The following VPS51 variants were observed in gnomAD, a reference collection of about 807,000 sequenced individuals.
The protein encoded by VPS51 is vacuolar protein sorting-associated protein 51 homolog.
Under a neutral mutation model 65.1 loss-of-function variants are expected in VPS51, and 55 were observed. The ratio of observed to expected loss-of-function variants is 0.84; its 90% confidence interval spans 0.68 to 1.06. The LOEUF (loss-of-function observed/expected upper bound fraction) is 1.06, where lower values mean the gene tolerates loss of function less well. VPS51 is among the 50% of genes least tolerant of loss of function. VPS51 has a pLI of 0.00. For synonymous variants in VPS51, 473 were observed against 489.5 expected (o/e 0.97, Z 0.44); for missense variants, 943 against 1,101.6 (o/e 0.86, Z 2.04).
chr11:65,108,314 G>A lies in VPS51; in HGVS notation c.843G>A (p.Glu281=). The A allele has an allele frequency of 6.2e-7, 1 of 1,609,426 alleles. No individual in the cohort carries two copies. Among genetic ancestry groups the A allele is most frequent in the Non-Finnish European group, 8.5e-7 (1 of 1,178,654 alleles). The change falls in exon 5 of 10, where the codon GAG becomes GAA. Residue 281 remains glutamate (E), a synonymous_variant. Transcript: ENST00000279281. ...TGGCGCACGCCCGCGGCCGGCTGGA[G>A]AAGGAGCTGAGAAACCTGGAGGCCG... The part of the protein sequence containing the change: ...EFLAHARGRL[E]KELRNLEAEL...
rs372618130 is a variant in VPS51, at chr11:65,096,988, A to G, written c.229-10A>G. The G allele has an allele frequency of 3.1e-6, 5 of 1,612,866 alleles. No individual in the cohort carries two copies. The highest frequency in any genetic ancestry group is 4.2e-6 in the Non-Finnish European group (5 of 1,179,980). ...TCCTGACCCGAACACTAACCACCCAACTTCTTCAGCTGCGTAGAGAGTGCC... is the reference window on the plus strand; with the variant it reads ...TCCTGACCCGAACACTAACCACCCAGCTTCTTCAGCTGCGTAGAGAGTGCC... On this transcript the variant is annotated splice_polypyrimidine_tract_variant and intron_variant, in intron 1 of 9. Transcript: ENST00000279281.
chr11:65,108,301 G>A lies in VPS51; in HGVS notation c.830G>A (p.Arg277His), dbSNP rs932505081. ...TGCGAGGAGTTCCTGGCGCACGCCCGCGGCCGGCTGGAGAAGGAGCTGAGA... is the reference window on the plus strand; with the variant it reads ...TGCGAGGAGTTCCTGGCGCACGCCCACGGCCGGCTGGAGAAGGAGCTGAGA... The part of the protein sequence containing the change: ...ELCEEFLAHA[R>H]GRLEKELRNL... Residue 277 changes from arginine (R) to histidine (H), a missense_variant, in exon 5 of 10, where the codon CGC becomes CAC. This residue lies in a region of VPS51 where 855 missense variants were observed against 953.7 expected (regional missense o/e 0.90). Transcript: ENST00000279281. 2.5e-6 allele frequency: 4 copies of A among 1,605,660 alleles called. No individual in the cohort carries two copies. The highest frequency in any genetic ancestry group is 1.3e-5 in the African/African-American group (1 of 74,844).
intron 2 of VPS51, among the ~76,000 whole-genome samples, chr11:65,098,370 A>C (rs1947785034): frequency 6.6e-6 from 1 of 152,236 alleles, no homozygotes; most frequent in South Asian, 2.1e-4. Flanking sequence ...TAGGGGACAC[A>C]AAGATCATGT....
rs186782222 is a variant in VPS51 at position 65,097,948 on chromosome 11, G to A, written c.358+821G>A. On this transcript the variant is annotated intron_variant, in intron 2 of 9. Coordinates refer to ENST00000279281, the MANE Select transcript of VPS51 (RefSeq NM_013265.4). ...TGTAATCCCAGCACTTTGGGAGGCC[G>A]AGGCAGGTGGATCACCTGAGGTCAG... is the stretch of plus-strand genomic sequence containing the variant. Among the ~76,000 whole-genome samples, 904 of 152,258 alleles carry A rather than the reference G, an allele frequency of 5.9e-3. 9 individuals carry two copies. The highest frequency in any genetic ancestry group is 0.021 in the African/African-American group (865 of 41,538).
chr11:65,109,064 G>T, intron 5 of VPS51, 150 bp downstream of exon 5: 1 of 1,097,496 alleles, frequency 9.1e-7, no homozygotes, highest in Middle Eastern at 2.6e-4. Context: ...AAGGCTCAGG[G>T]CATCTGCAGC....
Position 65,107,214 on chromosome 11 carries a change from T to A in VPS51, c.359-367T>A, listed in dbSNP as rs1947848033. On this transcript the variant is annotated intron_variant, in intron 2 of 9. Transcript: ENST00000279281. This position sits in a 1 kb window ranked among gnomAD's most constrained non-coding sequence, Gnocchi z 4.0. ...AGTGCGCTGGACACGCAGATGCGCT[T>A]GGGAGCCAGCGGTCCCTGCCTTGGC... 1 of 492,324 alleles carries A rather than the reference T, an allele frequency of 2.0e-6. No homozygotes were observed. The highest frequency in any genetic ancestry group is 4.0e-6 in the Non-Finnish European group (1 of 251,558). The allele number at this position is 492,324 out of a possible 1,614,324, so 30.5% of individuals were successfully genotyped here.
chr11:65,096,576 A>C, intron 1 of VPS51, 98 bp downstream of exon 1: 1 of 1,098,236 alleles, frequency 9.1e-7, no homozygotes, highest in Non-Finnish European at 1.3e-6. Flanking sequence ...ACTTTTTGTG[A>C]GGTTCAGGAG....
chr11:65,101,562 A>G (rs1590810438), intron 2 of VPS51, among the ~76,000 whole-genome samples: 1 of 151,904 alleles, frequency 6.6e-6, no homozygotes, highest in East Asian at 1.9e-4. Context: ...TGAGCTCAGG[A>G]GTTCGAGACC....
intron 2 of VPS51, among the ~76,000 whole-genome samples, chr11:65,100,231 T>A (rs1157466672): frequency 6.6e-6 from 1 of 152,172 alleles, no homozygotes; most frequent in Non-Finnish European, 1.5e-5. Context: ...AGCTCAGGGC[T>A]AAAAAGACAA....
chr11:65,108,178 C>A lies in VPS51; in HGVS notation c.726-19C>A, dbSNP rs1488798797. On this transcript the variant is annotated intron_variant, in intron 4 of 9. Coordinates refer to ENST00000279281, the MANE Select transcript of VPS51 (RefSeq NM_013265.4). ...CCGGCAGCCCCGGCCCTGCCCTTCA[C>A]TACCTCTCCCTCGTGCAGGGAGGGC... 3.8e-6 allele frequency: 6 copies of A among 1,595,358 alleles called. 1 individual carries two copies. Among genetic ancestry groups the A allele is most frequent in the African/African-American group, 1.3e-5 (1 of 74,536 alleles).
At chr11:65,097,201 A>G in intron 2 of VPS51, 74 bp downstream of exon 2, 1 of 1,586,832 alleles carries the variant, frequency 6.3e-7, no homozygotes. Flanking sequence ...AAAACCAGCA[A>G]GGGATTTAGA....
intron 2 of VPS51, among the ~76,000 whole-genome samples, chr11:65,104,028 A>T (rs1179382175): frequency 6.6e-6 from 1 of 152,006 alleles, no homozygotes; most frequent in East Asian, 1.9e-4. Context: ...TCCAGGGTTC[A>T]AGCGATTCTC....
rs542624236 is a variant in VPS51, at chr11:65,099,596, C to T, written c.358+2469C>T. ...ATCACTTGAGCCCAGGAGTTTGAGA[C>T]CAGCCTGTGCAACATAGTGAGACCC... is the stretch of plus-strand genomic sequence containing the variant. On this transcript the variant is annotated intron_variant, in intron 2 of 9. Coordinates refer to ENST00000279281, the MANE Select transcript of VPS51 (RefSeq NM_013265.4). 1.6e-3 allele frequency among the ~76,000 whole-genome samples: 239 copies of T among 151,688 alleles called. 2 individuals are homozygous for T. Among genetic ancestry groups the T allele is most frequent in the Non-Finnish European group, 1.5e-3 (104 of 67,888 alleles).
chr11:65,109,662 C>T (rs1204453666), intron 6 of VPS51, 43 bp from the exon 7 acceptor site: 1 of 1,531,200 alleles, frequency 6.5e-7, no homozygotes, highest in Non-Finnish European at 8.8e-7. Context: ...CTGAGCTGCC[C>T]CCACCATACC....
At position 65,108,707 on chromosome 11, in the gene VPS51, G is replaced by A. The variant is rs773315572; in HGVS notation, c.1236G>A (p.Gln412=). 4 of 1,605,026 alleles carry A rather than the reference G, an allele frequency of 2.5e-6. No individual in the cohort carries two copies. In the African/African-American group the frequency reaches 5.3e-5, roughly 21 times the overall value. ...GCGAGCGCCTGGGCCACCACCTGCA[G>A]GGTCTCCGGGCGGCCTTCCTGGGCT... The part of the protein sequence containing the change: ...VARERLGHHL[Q]GLRAAFLGCL... The change falls in exon 5 of 10, where the codon CAG becomes CAA. Residue 412 remains glutamine (Q), a synonymous_variant. Coordinates refer to ENST00000279281, the MANE Select transcript of VPS51 (RefSeq NM_013265.4).
intron 2 of VPS51, among the ~76,000 whole-genome samples, chr11:65,102,100 C>T (rs991971595): frequency 1.3e-5 from 2 of 150,818 alleles, no homozygotes; most frequent in African/African-American, 4.9e-5. Context: ...TCACTGCAAC[C>T]TCCGCCTCCG....
At chr11:65,100,035 G>A (rs985672533) in intron 2 of VPS51, among the ~76,000 whole-genome samples, 1 of 152,024 alleles carries the variant, frequency 6.6e-6, no homozygotes, top group Non-Finnish European at 1.5e-5. Flanking sequence ...CCCAGGAGGC[G>A]GAGGTTGCAG....
chr11:65,108,725 C>T lies in VPS51; in HGVS notation c.1254C>T (p.Phe418=), dbSNP rs755314938. Residue 418 remains phenylalanine (F), a synonymous_variant, in exon 5 of 10, where the codon TTC becomes TTT. Transcript: ENST00000279281. ...GHHLQGLRAA[F]LGCLTDVRQA... ...ACCTGCAGGGTCTCCGGGCGGCCTT[C>T]CTGGGCTGCCTGACAGACGTCCGCC... 1.6e-5 allele frequency: 26 copies of T among 1,609,684 alleles called. No individual in the cohort carries two copies. Among genetic ancestry groups the T allele is most frequent in the East Asian group, 4.5e-5 (2 of 44,852 alleles).
At chr11:65,098,313 CCCTT>C (rs1947784682) in intron 2 of VPS51, among the ~76,000 whole-genome samples, 1 of 152,206 alleles carries the variant, frequency 6.6e-6, no homozygotes, top group Non-Finnish European at 1.5e-5. Flanking sequence ...CTTTCTTTCT[CCCTT>C]CCTTCCCTCC....
Sources: gnomAD v4.1 joint callset for allele counts (sites outside exome capture counted in the v4.1 genomes callset) on GRCh38, gnomAD v4.1.1 for gene constraint, gnomAD v4.1.1 regional missense constraint, Gnocchi (gnomAD v3.1) non-coding constraint, MANE v1.5 for transcripts, NCBI Gene and HGNC (gene_info 2026-07-23, HGNC 2026-07-21) for gene names.